Variants in GFM1 observed in about 807,000 individuals in gnomAD.
GFM1 encodes the protein G elongation factor mitochondrial 1.
A neutral mutation model predicts 96.2 loss-of-function variants in GFM1; 62 were observed. The observed-to-expected ratio is 0.64, with a 90% CI of 0.53 to 0.80. The LOEUF is 0.80. Ranked by LOEUF, GFM1 falls within the 30% of genes least tolerant of loss-of-function variation. The probability of loss-of-function intolerance (pLI) is 0.00; values close to 1 mark genes in which losing one functional copy is unlikely to be tolerated. For missense variants in GFM1, 852 were observed against 916.6 expected, an observed-to-expected ratio of 0.93 and a Z score of 0.91; for synonymous variants, 282 against 312.9, an observed-to-expected ratio of 0.90 and a Z score of 1.04.
chr3:158,669,215 A>C (rs2108061505), intron 13 of GFM1: 3 of 1,403,924 alleles, frequency 2.1e-6, no homozygotes, highest in East Asian at 2.5e-5. Context: ...ATCATGTCTT[A>C]GTTTCCTTCG....
intron 13 of GFM1, among the ~76,000 whole-genome samples, chr3:158,669,989 A>C (rs535254827): frequency 1.1e-4 from 17 of 152,322 alleles, no homozygotes; most frequent in Non-Finnish European, 2.1e-4. Flanking sequence ...TTGCTCCTGA[A>C]ATAACAAAGT....
intron 7 of GFM1, among the ~76,000 whole-genome samples, chr3:158,654,202 G>A (rs1722540792): frequency 7.8e-6 from 1 of 128,430 alleles, no homozygotes; most frequent in Non-Finnish European, 1.6e-5. Flanking sequence ...AAGCTCTAAA[G>A]ACCTTTTTTT....
chr3:158,655,257 G>T (rs992664193), intron 8 of GFM1, among the ~76,000 whole-genome samples: 2 of 152,012 alleles, frequency 1.3e-5, no homozygotes, highest in Non-Finnish European at 1.5e-5. Context: ...AGGCCAAGGC[G>T]GGCGGATCAC....
At chr3:158,662,916 AC>A (rs1723309851) in intron 11 of GFM1, among the ~76,000 whole-genome samples, 1 of 152,058 alleles carries the variant, frequency 6.6e-6, no homozygotes, top group Admixed American at 6.6e-5. Context: ...GTACTTTATA[AC>A]TCTTTACTAT....
rs761343297 is a variant in GFM1 at position 158,653,375 on chromosome 3, G to A, written c.906G>A (p.Lys302=). The A allele has an allele frequency of 3.1e-6, 5 of 1,613,198 alleles. No individual in the cohort carries two copies. The Admixed American group carries it at 5.0e-5, about 16-fold the overall frequency. ...FTPVFLGSAL[K]NKGVQPLLDA... ...CTGTATTTTTGGGAAGCGCCTTGAA[G>A]AACAAAGGAGTTCAGCCTCTTTTAG... The change falls in exon 7 of 18, where the codon AAG becomes AAA. Residue 302 remains lysine, a synonymous_variant. Transcript: ENST00000486715.
intron 11 of GFM1, 87 bp downstream of exon 11, chr3:158,662,771 A>C (rs1177306093): frequency 8.5e-6 from 7 of 823,716 alleles, no homozygotes; most frequent in Non-Finnish European, 1.5e-5. Flanking sequence ...GATATCTTGT[A>C]ATAACCAGCA....
At chr3:158,666,558 G>C (rs931424457) in intron 13 of GFM1, 172 bp downstream of exon 13, 10 of 1,262,068 alleles carry the variant, frequency 7.9e-6, no homozygotes, top group African/African-American at 3.0e-5. Flanking sequence ...TGACACTTTG[G>C]GATTATTTGG....
At chr3:158,663,462 T>C (rs1470877721) in intron 11 of GFM1, among the ~76,000 whole-genome samples, 1 of 152,222 alleles carries the variant, frequency 6.6e-6, no homozygotes, top group Non-Finnish European at 1.5e-5. Flanking sequence ...TGTGATAATA[T>C]CACTAACAGC....
chr3:158,653,166 A>T (rs904713707), intron 6 of GFM1, 144 bp from the exon 7 acceptor site: 28 of 639,088 alleles, frequency 4.4e-5, no homozygotes, highest in African/African-American at 3.9e-4. Flanking sequence ...CCTTAAGTTC[A>T]TTGGAGACCT....
chr3:158,674,636 A>G (rs1412493732), intron 13 of GFM1, among the ~76,000 whole-genome samples: 1 of 152,222 alleles, frequency 6.6e-6, no homozygotes, highest in Non-Finnish European at 1.5e-5. Flanking sequence ...TTTTAAGTAG[A>G]AGACTGCCCA....
intron 9 of GFM1, 54 bp downstream of exon 9, chr3:158,659,113 AC>A: frequency 6.3e-7 from 1 of 1,594,562 alleles, no homozygotes. Flanking sequence ...GGTGAAATAG[AC>A]CCTTCTTGGT....
intron 8 of GFM1, chr3:158,656,564 T>G (rs1722775518): frequency 6.6e-6 from 1 of 151,774 alleles, no homozygotes; most frequent in Admixed American, 6.6e-5. Flanking sequence ...TTTCATAGTG[T>G]ACTTTTTAGA....
chr3:158,683,263 A>C (rs1725566385), intron 14 of GFM1, among the ~76,000 whole-genome samples: 1 of 152,158 alleles, frequency 6.6e-6, no homozygotes, highest in Admixed American at 6.5e-5. Context: ...AGGAGAACTT[A>C]GACATTTTAC....
At chr3:158,667,147 T>C in intron 13 of GFM1, 3 of 1,397,786 alleles carry the variant, frequency 2.1e-6, no homozygotes, top group Non-Finnish European at 1.9e-6. Context: ...ATTTTGAAAA[T>C]CATCTTTGAT....
At chr3:158,671,866 T>C (rs1724352736) in intron 13 of GFM1, among the ~76,000 whole-genome samples, 1 of 152,212 alleles carries the variant, frequency 6.6e-6, no homozygotes, top group African/African-American at 2.4e-5. Context: ...TTCTTTGACT[T>C]TGATTGTCAG....
intron 10 of GFM1, 24 bp downstream of exon 10, chr3:158,660,999 A>G (rs1317925736): frequency 1.3e-6 from 2 of 1,549,322 alleles, no homozygotes; most frequent in Non-Finnish European, 1.8e-6. Flanking sequence ...TTTCAAAGCT[A>G]CTTATCACTA....
chr3:158,685,952 G>T (rs1046694047), intron 15 of GFM1, among the ~76,000 whole-genome samples: 4 of 151,900 alleles, frequency 2.6e-5, no homozygotes, highest in African/African-American at 9.7e-5. Flanking sequence ...TTCTATGCTG[G>T]TTCTTTACTG....
At chr3:158,659,582 A>C (rs919603247) in intron 9 of GFM1, among the ~76,000 whole-genome samples, 1 of 152,204 alleles carries the variant, frequency 6.6e-6, no homozygotes, top group Non-Finnish European at 1.5e-5. Flanking sequence ...TAAAAGCTTC[A>C]AGGGCTGATC....
intron 1 of GFM1, chr3:158,644,978 A>C: frequency 3.1e-6 from 1 of 319,248 alleles, no homozygotes; most frequent in Non-Finnish European, 5.5e-6. Flanking sequence ...ACCTTTTCTA[A>C]GGTTTTTTTT....
Sources: gnomAD v4.1 joint callset for allele counts (sites outside exome capture counted in the v4.1 genomes callset) on GRCh38, gnomAD v4.1.1 for gene constraint, MANE v1.5 for transcripts, NCBI Gene and HGNC (gene_info 2026-07-23, HGNC 2026-07-21) for gene names.